RASGRF2: variants seen among roughly 807,000 people sequenced by gnomAD.
RASGRF2 encodes ras-specific guanine nucleotide-releasing factor 2.
RASGRF2 carries 76 observed loss-of-function variants against 151.0 expected under a neutral mutation model. That is an observed-to-expected ratio of 0.50 (90% CI 0.42 to 0.61). RASGRF2 has a LOEUF of 0.61. Ranked by LOEUF, RASGRF2 falls within the 20% of genes least tolerant of loss-of-function variation. The pLI is 0.00. For missense variants in RASGRF2, 1,148 were observed against 1,564.6 expected (o/e 0.73, Z 4.49); for synonymous variants, 504 against 566.5 (o/e 0.89, Z 1.57).
intron 12 of RASGRF2, among the ~76,000 whole-genome samples, chr5:81,100,953 G>C (rs1752682540): frequency 6.6e-6 from 1 of 152,100 alleles, no homozygotes. Context: ...ACTGCCTTAG[G>C]TAAAACCCTG....
chr5:81,160,562 C>T (rs1271391593), intron 17 of RASGRF2, among the ~76,000 whole-genome samples: 4 of 152,014 alleles, frequency 2.6e-5, no homozygotes. Flanking sequence ...ATCCCAGCTA[C>T]TCAGGAGGCT....
intron 17 of RASGRF2, among the ~76,000 whole-genome samples, chr5:81,168,994 T>C (rs992051756): frequency 7.9e-5 from 12 of 152,244 alleles, no homozygotes; most frequent in Non-Finnish European, 1.5e-4. Context: ...CTCCTGGTTG[T>C]GGGGCCACGG....
At chr5:81,089,013 G>T (rs1213108313) in intron 9 of RASGRF2, among the ~76,000 whole-genome samples, 1 of 152,108 alleles carries the variant, frequency 6.6e-6, no homozygotes, top group Admixed American at 6.5e-5. Context: ...GTATTTTTCT[G>T]CATGTGTGGT....
intron 9 of RASGRF2, among the ~76,000 whole-genome samples, chr5:81,091,579 C>T (rs564404956): frequency 5.9e-5 from 9 of 152,256 alleles, no homozygotes; most frequent in Non-Finnish European, 1.3e-4. Context: ...CCACCCTGTA[C>T]ACCTTTCAAT....
intron 17 of RASGRF2, among the ~76,000 whole-genome samples, chr5:81,140,674 C>T (rs1444908111): frequency 1.3e-5 from 2 of 152,212 alleles, no homozygotes; most frequent in African/African-American, 2.4e-5. Flanking sequence ...TCCAGCTGGC[C>T]TGTCCACCTT....
At chr5:81,194,179 T>TTA (rs1554041343) in intron 18 of RASGRF2, among the ~76,000 whole-genome samples, 4 of 131,032 alleles carry the variant, frequency 3.1e-5, no homozygotes, top group African/African-American at 1.2e-4. Flanking sequence ...GCCCCATCTC[T>TTA]AAAAAAAAAA....
chr5:81,037,766 A>G (rs1407120184), intron 1 of RASGRF2, among the ~76,000 whole-genome samples: 2 of 152,224 alleles, frequency 1.3e-5, no homozygotes, highest in African/African-American at 4.8e-5. Flanking sequence ...AAAAAAGTCA[A>G]AATAAAAAGG....
At chr5:81,191,426 C>T (rs1394656806) in intron 18 of RASGRF2, among the ~76,000 whole-genome samples, 1 of 152,054 alleles carries the variant, frequency 6.6e-6, no homozygotes, top group African/African-American at 2.4e-5. Flanking sequence ...AGTCTTTTTC[C>T]CTCCTATGGA....
intron 17 of RASGRF2, among the ~76,000 whole-genome samples, chr5:81,158,675 A>T (rs1471641093): frequency 6.6e-6 from 1 of 152,226 alleles, no homozygotes; most frequent in Non-Finnish European, 1.5e-5. Flanking sequence ...ATCAAAGAAG[A>T]CAAATGAAAC....
intron 1 of RASGRF2, among the ~76,000 whole-genome samples, chr5:81,014,854 TAGTC>T (rs1199562526): frequency 6.6e-6 from 1 of 152,194 alleles, no homozygotes; most frequent in African/African-American, 2.4e-5. Flanking sequence ...TTCTTGTACA[TAGTC>T]ATTATATATA....
chr5:81,138,499 T>C (rs927145203), intron 17 of RASGRF2, among the ~76,000 whole-genome samples: 1 of 152,192 alleles, frequency 6.6e-6, no homozygotes, highest in African/African-American at 2.4e-5. Flanking sequence ...ATTTCCAGTG[T>C]TACTCTTCCC....
Position 81,215,876 on chromosome 5 carries a change from A to G in RASGRF2, c.3355A>G (p.Thr1119Ala). The change falls in exon 24 of 27, where the codon ACA (threonine) becomes GCA (alanine). Residue 1119 changes from threonine (T) to alanine (A), a missense_variant and splice_region_variant. Physicochemically the swap from Thr to Ala is moderately conservative, Grantham distance 58. Transcript: ENST00000265080. The stretch of plus-strand genomic sequence containing the variant: ...ACTAAGTTTTTTCTTTTCTTTTTAG[A>G]CAAAAGCTCTAATGGACAAACTTCA... ...KKTWAKVSKQ[T>A]KALMDKLQKT... is the part of the protein sequence containing the mutation. The G allele has an allele frequency of 6.5e-7, 1 of 1,531,390 alleles. No homozygotes were observed. Among genetic ancestry groups the G allele is most frequent in the Non-Finnish European group, 8.7e-7 (1 of 1,150,190 alleles). The allele number at this position is 1,531,390 out of a possible 1,614,324, so 94.9% of individuals were successfully genotyped here. A position where few individuals can be genotyped will look rare whatever the true frequency, so the allele number is the denominator to read the frequency against.
chr5:81,136,730 A>G (rs560740638), intron 17 of RASGRF2, among the ~76,000 whole-genome samples: 1 of 152,154 alleles, frequency 6.6e-6, no homozygotes, highest in Non-Finnish European at 1.5e-5. Flanking sequence ...CAGTACTCCA[A>G]TTACTTGTTT....
At chr5:81,015,155 A>G (rs1749587998) in intron 1 of RASGRF2, among the ~76,000 whole-genome samples, 1 of 152,166 alleles carries the variant, frequency 6.6e-6, no homozygotes, top group Non-Finnish European at 1.5e-5. Context: ...TTTTATTTCA[A>G]TCGGCACACT....
chr5:81,094,427 A>G (rs1752479233), intron 11 of RASGRF2, 65 bp downstream of exon 11: 4 of 1,433,330 alleles, frequency 2.8e-6, no homozygotes, highest in Non-Finnish European at 3.9e-6. Flanking sequence ...GGCTGAGGAT[A>G]AACTCCCTAA....
chr5:81,207,207 T>A (rs1755527701), intron 20 of RASGRF2, 39 bp from the exon 21 acceptor site: 1 of 1,578,450 alleles, frequency 6.3e-7, no homozygotes, highest in Non-Finnish European at 8.7e-7. Context: ...GCAGGCGCCC[T>A]CTCCTGGGTG....
chr5:81,052,722 T>G lies in RASGRF2; in HGVS notation c.395+9739T>G, dbSNP rs572887857. 5.9e-5 allele frequency among the ~76,000 whole-genome samples: 9 copies of G among 152,204 alleles called. No homozygotes were observed. In the South Asian group the frequency reaches 1.7e-3, roughly 28 times the overall value. On this transcript the variant is annotated intron_variant, in intron 2 of 26. Transcript: ENST00000265080. ...ATGTGACAGTAATGCTGAAGGGGTG[T>G]GAGTAAAGATAGAGAAACTGGCCTT...
chr5:80,977,328 C>T (rs1262587712), intron 1 of RASGRF2, among the ~76,000 whole-genome samples: 2 of 152,128 alleles, frequency 1.3e-5, no homozygotes, highest in African/African-American at 4.8e-5. Flanking sequence ...CTCAAGCTTA[C>T]TCATGTCTTC....
chr5:81,113,749 A>G lies in RASGRF2; in HGVS notation c.2299A>G (p.Thr767Ala). Residue 767 changes from threonine (T) to alanine (A), a missense_variant, in exon 15 of 27, where the codon ACC becomes GCC. Around this residue, in one of 5 missense-constraint regions of RASGRF2, gnomAD observed 646 missense variants for 807.4 expected, o/e 0.80. Coordinates refer to ENST00000265080, the MANE Select transcript of RASGRF2 (RefSeq NM_006909.3). The part of the protein sequence containing the change: ...ALDLTTSSSP[T>A]TTTQSPAASP... ...GGACCTGACAACTTCCAGCAGTCCC[A>G]CCACCACCACCCAGAGTCCCGCTGC... is the stretch of plus-strand genomic sequence containing the variant. 1 of 1,613,256 alleles carries G rather than the reference A, an allele frequency of 6.2e-7. No individual in the cohort carries two copies. Among genetic ancestry groups the G allele is most frequent in the Non-Finnish European group, 8.5e-7 (1 of 1,179,300 alleles).
Sources: gnomAD v4.1 joint callset for allele counts (sites outside exome capture counted in the v4.1 genomes callset) on GRCh38, gnomAD v4.1.1 for gene constraint, gnomAD v4.1.1 regional missense constraint, MANE v1.5 for transcripts, NCBI Gene and HGNC (gene_info 2026-07-23, HGNC 2026-07-21) for gene names.